Variants in DDX6 observed in about 807,000 individuals in gnomAD.
DDX6 encodes the protein probable ATP-dependent RNA helicase DDX6.
Under a neutral mutation model 60.6 loss-of-function variants are expected in DDX6, and 7 were observed. That is an observed-to-expected ratio of 0.12 (90% confidence interval 0.07 to 0.22). DDX6 has a LOEUF of 0.22. DDX6 is among the 10% of genes least tolerant of loss of function. The pLI is 1.00. For synonymous variants in DDX6, 207 were observed against 201.0 expected (o/e 1.03, Z -0.25); for missense variants, 270 against 589.9 (o/e 0.46, Z 5.62).
In DDX6 at chr11:118,760,174, A is replaced by C. The variant is rs573686689; in HGVS notation, c.742-130T>G. On this transcript the variant is annotated intron_variant, in intron 7 of 13. Coordinates refer to ENST00000534980, the MANE Select transcript of DDX6 (RefSeq NM_004397.6). ...GAAATGTTCCTGGTGGAAAACAATA[A>C]ATTCTCTCCAACACTGCAGAGAGTC... 329 of 872,852 alleles carry C rather than the reference A, an allele frequency of 3.8e-4. 4 individuals carry two copies. In the South Asian group the frequency reaches 5.3e-3, roughly 14 times the overall value. The allele number at this position is 872,852 out of a possible 1,614,324, so 54.1% of individuals were successfully genotyped here.
chr11:118,771,589 G>A (rs966808880), intron 4 of DDX6, among the ~76,000 whole-genome samples: 5 of 152,340 alleles, frequency 3.3e-5, no homozygotes. Context: ...TGAAATACAA[G>A]AGGAAATTAT....
chr11:118,755,194 T>C (rs1190083656), intron 12 of DDX6, among the ~76,000 whole-genome samples: 3 of 152,222 alleles, frequency 2.0e-5, no homozygotes, highest in Non-Finnish European at 4.4e-5. Context: ...CATGTGTTAA[T>C]TTCATCTCAA....
chr11:118,778,803 G>A (rs73003215), intron 4 of DDX6, among the ~76,000 whole-genome samples: 36,637 of 151,928 alleles, frequency 0.24, 4,571 homozygotes, highest in South Asian at 0.37. Flanking sequence ...TGTGATTTCT[G>A]CATTATTCGG....
intron 4 of DDX6, among the ~76,000 whole-genome samples, chr11:118,774,788 A>T (rs980230669): frequency 6.6e-6 from 1 of 152,202 alleles, no homozygotes; most frequent in Non-Finnish European, 1.5e-5. Flanking sequence ...TCAAATGCAG[A>T]AGACTCACCC....
chr11:118,748,601 T>A lies in DDX6; in HGVS notation c.*3504A>T, dbSNP rs1457742961. The A allele has an allele frequency of 6.6e-6, 1 of 152,180 alleles. No individual in the cohort carries two copies. Among genetic ancestry groups the A allele is most frequent in the African/African-American group, 2.4e-5 (1 of 41,442 alleles). 9.4% of individuals were successfully genotyped at this position (152,180 alleles called of 1,614,324 possible). A position where few individuals can be genotyped will look rare whatever the true frequency, so the allele number is the denominator to read the frequency against. On this transcript the variant is annotated 3_prime_UTR_variant, in exon 14 of 14. Coordinates refer to ENST00000534980, the MANE Select transcript of DDX6 (RefSeq NM_004397.6). Reference sequence around the variant, plus strand: ...AAATGGCTTAATTTCCAAGAACTTATTTCATTTTTTTGTTACTCATCTAGA... The same window carrying A: ...AAATGGCTTAATTTCCAAGAACTTAATTCATTTTTTTGTTACTCATCTAGA...
In DDX6 at chr11:118,749,390, TTTGACC is replaced by T; in HGVS notation, c.*2709_*2714del. The stretch of plus-strand genomic sequence containing the variant: ...AAAAAAAAAAAAAAAAAGACCAGGC[TTTGACC>T]TAGTCCTCAGAGCATCTTTCCATTT... On this transcript the variant is annotated 3_prime_UTR_variant, in exon 14 of 14. Coordinates refer to ENST00000534980, the MANE Select transcript of DDX6 (RefSeq NM_004397.6). 7.4e-6 allele frequency: 1 copy of T among 134,892 alleles called. No homozygotes were observed. The highest frequency in any genetic ancestry group is 2.7e-5 in the African/African-American group (1 of 36,884). The allele number at this position is 134,892 out of a possible 1,614,324, so 8.4% of individuals were successfully genotyped here. A position where few individuals can be genotyped will look rare whatever the true frequency, so the allele number is the denominator to read the frequency against.
At chr11:118,773,773 G>A (rs1285220400) in intron 4 of DDX6, among the ~76,000 whole-genome samples, 3 of 151,584 alleles carry the variant, frequency 2.0e-5, no homozygotes, top group African/African-American at 7.3e-5. Flanking sequence ...AGAACTGCTT[G>A]AGGCCAGGAG....
chr11:118,754,944 T>C (rs2137412763), intron 12 of DDX6, 57 bp from the exon 13 acceptor site: 1 of 1,473,006 alleles, frequency 6.8e-7, no homozygotes, highest in Non-Finnish European at 9.1e-7. Context: ...CAATGTGAAT[T>C]GTGCAAGTCA....
chr11:118,750,024 C>T lies in DDX6; in HGVS notation c.*2081G>A, dbSNP rs1860701169. ...TCTCCAAGGAATTGTGGGTGAGTCG[C>T]AAATAGTTTGCTCAGAAGTAGGCAG... On this transcript the variant is annotated 3_prime_UTR_variant, in exon 14 of 14. Transcript: ENST00000534980. The T allele has an allele frequency of 6.6e-6, 1 of 152,480 alleles. No homozygotes were observed. The highest frequency in any genetic ancestry group is 2.4e-5 in the African/African-American group (1 of 41,404). 9.4% of individuals were successfully genotyped at this position (152,480 alleles called of 1,614,324 possible). A position where few individuals can be genotyped will look rare whatever the true frequency, so the allele number is the denominator to read the frequency against.
intron 2 of DDX6, among the ~76,000 whole-genome samples, chr11:118,785,360 A>G (rs1862039349): frequency 6.6e-6 from 1 of 151,818 alleles, no homozygotes; most frequent in Non-Finnish European, 1.5e-5. Context: ...TAAAAGGAGG[A>G]AAAAAATTAA....
chr11:118,773,242 T>A (rs1395190784), intron 4 of DDX6, among the ~76,000 whole-genome samples: 1 of 152,144 alleles, frequency 6.6e-6, no homozygotes, highest in Non-Finnish European at 1.5e-5. Context: ...TTCCTCTTAT[T>A]TTCCAAACCT....
At chr11:118,769,307 A>G (rs1162966605) in intron 4 of DDX6, among the ~76,000 whole-genome samples, 4 of 152,158 alleles carry the variant, frequency 2.6e-5, no homozygotes, top group Non-Finnish European at 4.4e-5. Flanking sequence ...TATTTATATA[A>G]TAAGTAAATC....
chr11:118,762,095 C>A (rs1861190287), intron 7 of DDX6, among the ~76,000 whole-genome samples: 2 of 151,872 alleles, frequency 1.3e-5, no homozygotes, highest in South Asian at 4.2e-4. Flanking sequence ...GCCAACATTG[C>A]AAAACCGCGC....
At chr11:118,778,428 A>T (rs1861777074) in intron 4 of DDX6, among the ~76,000 whole-genome samples, 1 of 152,192 alleles carries the variant, frequency 6.6e-6, no homozygotes, top group African/African-American at 2.4e-5. Context: ...ATGATAATAA[A>T]AAATGTTTCT....
rs1555156651 is a variant in DDX6, at chr11:118,749,367, A to G, written c.*2738T>C. The G allele has an allele frequency of 6.7e-6, 1 of 148,872 alleles. No individual in the cohort carries two copies. Among genetic ancestry groups the G allele is most frequent in the Non-Finnish European group, 1.5e-5 (1 of 66,950 alleles). The allele number at this position is 148,872 out of a possible 1,614,324, so 9.2% of individuals were successfully genotyped here. On this transcript the variant is annotated 3_prime_UTR_variant, in exon 14 of 14. Coordinates refer to ENST00000534980, the MANE Select transcript of DDX6 (RefSeq NM_004397.6). ...GGGCCCAAAAAAGAAAGAAAAAAAA[A>G]AAAAAAAAAAAAAAGACCAGGCTTT...
chr11:118,755,559 AATACT>A (rs1555158586), intron 11 of DDX6, 56 bp from the exon 12 acceptor site: 1 of 943,338 alleles, frequency 1.1e-6, no homozygotes, highest in Non-Finnish European at 1.7e-6. Context: ...CTCTCAGTAC[AATACT>A]AACACATATT....
In DDX6 at chr11:118,760,877, C is replaced by T. The variant is rs1285058814; in HGVS notation, c.742-833G>A. 7.3e-5 allele frequency among the ~76,000 whole-genome samples: 11 copies of T among 150,446 alleles called. No individual in the cohort carries two copies. The East Asian group carries it at 1.8e-3, about 24-fold the overall frequency. On this transcript the variant is annotated intron_variant, in intron 7 of 13. Coordinates refer to ENST00000534980, the MANE Select transcript of DDX6 (RefSeq NM_004397.6). ...TTCTGAGGCCGGGTGCAGTGGCTCACGCCTGTAATCCCAGCACTTTGGGAG... is the reference window on the plus strand; with the variant it reads ...TTCTGAGGCCGGGTGCAGTGGCTCATGCCTGTAATCCCAGCACTTTGGGAG...
intron 4 of DDX6, among the ~76,000 whole-genome samples, chr11:118,773,473 G>A (rs1457008990): frequency 6.6e-6 from 1 of 152,188 alleles, no homozygotes; most frequent in East Asian, 1.9e-4. Flanking sequence ...TTGGGAGGCT[G>A]AGGTAGGGGA....
Position 118,758,851 on chromosome 11 carries a change from G to A in DDX6, c.916C>T (p.Leu306=). 1 of 1,613,872 alleles carries A rather than the reference G, an allele frequency of 6.2e-7. No homozygotes were observed. The highest frequency in any genetic ancestry group is 8.5e-7 in the Non-Finnish European group (1 of 1,179,846). ...GCGTAGTACTGGGTTACTCCCTTCA[G>A]AGTTAGTTCCTCCATCAGGTTAATC... is the stretch of plus-strand genomic sequence containing the variant. ...YEINLMEELT[L]KGVTQYYAYV... Residue 306 remains leucine, a synonymous_variant, in exon 9 of 14, where the codon CTG becomes TTG. Transcript: ENST00000534980.
Sources: allele counts gnomAD v4.1 joint callset (sites outside exome capture counted in the v4.1 genomes callset), GRCh38; gene constraint gnomAD v4.1.1; transcripts MANE v1.5; gene names NCBI Gene and HGNC (gene_info 2026-07-23, HGNC 2026-07-21).